Variants in MTF2 observed in about 807,000 individuals in gnomAD.
The protein encoded by MTF2 is metal-response element-binding transcription factor 2.
In MTF2, 11 loss-of-function variants were observed where a neutral mutation model predicts 79.5. That is an observed-to-expected ratio of 0.14 (90% confidence interval 0.09 to 0.23). The LOEUF is 0.23. Among genes scored for constraint, MTF2 ranks in the 10% least tolerant of loss-of-function variants. The pLI, the probability that MTF2 is intolerant of heterozygous loss-of-function variation, is 1.00. For synonymous variants in MTF2, 208 were observed against 232.8 expected (o/e 0.89, Z 0.97); for missense variants, 486 against 711.2 (o/e 0.68, Z 3.60).
rs1024247449 is a variant in MTF2 at position 93,091,719 on chromosome 1, T to A, written c.5+12188T>A. On this transcript the variant is annotated intron_variant, in intron 1 of 14. Transcript: ENST00000370298. ...GATATGCCCTCAAAATACAGAGTGG[T>A]CTTTTAAGTTAACTAACTTAATTAA... Among the ~76,000 whole-genome samples the A allele has an allele frequency of 2.0e-5, 3 of 152,240 alleles. 1 individual carries two copies. Among genetic ancestry groups the A allele is most frequent in the Non-Finnish European group, 4.4e-5 (3 of 68,034 alleles).
At chr1:93,095,529 C>T (rs1396638957) in intron 1 of MTF2, among the ~76,000 whole-genome samples, 4 of 151,810 alleles carry the variant, frequency 2.6e-5, no homozygotes, top group Admixed American at 6.6e-5. Context: ...TTAGTAGAGA[C>T]GGGATTTCAC....
rs1261632833 is a variant in MTF2 at position 93,114,980 on chromosome 1, A to T, written c.383-8A>T. 2.6e-6 allele frequency: 4 copies of T among 1,563,630 alleles called. No individual in the cohort carries two copies. The highest frequency in any genetic ancestry group is 3.5e-6 in the Non-Finnish European group (4 of 1,142,912). On this transcript the variant is annotated splice_region_variant and splice_polypyrimidine_tract_variant and intron_variant, in intron 4 of 14. Transcript: ENST00000370298. ...CCGAATTTGCTTTATGCTTTTTTTG[A>T]TATTAAGGATATCATCAGTTGTGTC...
At chr1:93,104,677 C>CAAAAAA (rs35746040) in intron 1 of MTF2, among the ~76,000 whole-genome samples, 1 of 96,396 alleles carries the variant, frequency 1.0e-5, no homozygotes. Flanking sequence ...GACTCCATCT[C>CAAAAAA]AAAAAAAAAA....
chr1:93,094,720 G>C (rs1286155924), intron 1 of MTF2, among the ~76,000 whole-genome samples: 1 of 152,068 alleles, frequency 6.6e-6, no homozygotes, highest in Non-Finnish European at 1.5e-5. Context: ...TGTGCTGTGG[G>C]TTCTCCCATC....
chr1:93,132,894 A>G (rs556275117), intron 11 of MTF2, among the ~76,000 whole-genome samples: 9 of 152,278 alleles, frequency 5.9e-5, no homozygotes, highest in African/African-American at 2.2e-4. Flanking sequence ...TCTTTAGCAC[A>G]GGGAACACCT....
chr1:93,132,683 C>T (rs1218516618), intron 11 of MTF2, among the ~76,000 whole-genome samples: 1 of 152,144 alleles, frequency 6.6e-6, no homozygotes, highest in Non-Finnish European at 1.5e-5. Flanking sequence ...ATACTTCCAC[C>T]TTTATTCCCT....
intron 9 of MTF2, chr1:93,121,610 T>C (rs574065170): frequency 2.8e-4 from 272 of 976,100 alleles, no homozygotes; most frequent in Non-Finnish European, 3.2e-4. Flanking sequence ...ACATAATGCA[T>C]GATTTAGTTT....
At chr1:93,092,172 A>T (rs1164885126) in intron 1 of MTF2, among the ~76,000 whole-genome samples, 1 of 151,976 alleles carries the variant, frequency 6.6e-6, no homozygotes, top group Non-Finnish European at 1.5e-5. Flanking sequence ...TTATTATTTC[A>T]TGGATGTAAT....
At chr1:93,135,403 T>C (rs1393699474) in intron 14 of MTF2, among the ~76,000 whole-genome samples, 1 of 152,270 alleles carries the variant, frequency 6.6e-6, no homozygotes, top group Non-Finnish European at 1.5e-5. Context: ...ACTGCTGTTA[T>C]AAATTATGCA....
At chr1:93,117,206 G>A (rs1347818594) in intron 6 of MTF2, among the ~76,000 whole-genome samples, 2 of 152,112 alleles carry the variant, frequency 1.3e-5, no homozygotes, top group Non-Finnish European at 2.9e-5. Flanking sequence ...TTTGGAAATG[G>A]TGCCTTTTAT....
At chr1:93,130,256 G>A (rs892213184) in intron 11 of MTF2, among the ~76,000 whole-genome samples, 3 of 152,062 alleles carry the variant, frequency 2.0e-5, no homozygotes, top group Non-Finnish European at 4.4e-5. Context: ...AGAATAATGG[G>A]GAGGCATGTA....
chr1:93,101,567 G>GTTTTTTTTTT (rs1655535361), intron 1 of MTF2, among the ~76,000 whole-genome samples: 1 of 10,434 alleles, frequency 9.6e-5, no homozygotes, highest in African/African-American at 2.4e-4. Flanking sequence ...TGCTCAGGCT[G>GTTTTTTTTTT]GTTTTTTTTT....
At chr1:93,120,942 T>TA (rs1656451213) in intron 9 of MTF2, 1 of 1,130,652 alleles carries the variant, frequency 8.8e-7, no homozygotes, top group African/African-American at 1.7e-5. Context: ...TCATTGTAGT[T>TA]AAAGATAGAA....
chr1:93,134,347 AGTT>A (rs1191980748), intron 14 of MTF2, 152 bp downstream of exon 14: 1 of 587,190 alleles, frequency 1.7e-6, no homozygotes, highest in Non-Finnish European at 3.0e-6. Context: ...AGATCCCAAT[AGTT>A]GTTAATATTC....
Position 93,119,350 on chromosome 1 carries a change from G to A in MTF2, c.746G>A (p.Cys249Tyr). 1 of 1,538,616 alleles carries A rather than the reference G, an allele frequency of 6.5e-7. No individual in the cohort carries two copies. Among genetic ancestry groups the A allele is most frequent in the Non-Finnish European group, 8.8e-7 (1 of 1,139,550 alleles). ...LFGDRFYTFI[C>Y]SVCSSGPEYL... ...TTTCTTAGATTTTATACGTTTATAT[G>A]CTCTGTCTGCAGTTCTGGACCAGAA... is the stretch of plus-strand genomic sequence containing the variant. Residue 249 changes from cysteine to tyrosine, a missense_variant, in exon 8 of 15, where the codon TGC becomes TAC. Cys to Tyr is a radical substitution (Grantham distance 194, BLOSUM62 -2). This residue lies in a region of MTF2 where 177 missense variants were observed against 364.0 expected (regional missense o/e 0.49). Transcript: ENST00000370298.
Position 93,133,737 on chromosome 1 carries a change from A to T in MTF2, c.1195A>T (p.Lys399Ter). The change falls in exon 12 of 15, where the codon AAA becomes TAA. Residue 399 changes from lysine (K) to a stop codon, truncating the protein, a stop_gained. Transcript: ENST00000370298. LOFTEE classifies it high-confidence loss of function. ...CAATGGCATAGAAAAAAAAGGAAAG[A>T]AAAAATCTGTAGGTCGTCCACCTGG... ...VSNGIEKKGK[K>*]KSVGRPPGPY... The T allele has an allele frequency of 6.2e-7, 1 of 1,612,114 alleles. No individual in the cohort carries two copies. The highest frequency in any genetic ancestry group is 8.5e-7 in the Non-Finnish European group (1 of 1,179,386).
intron 14 of MTF2, among the ~76,000 whole-genome samples, chr1:93,135,439 G>A (rs1364372947): frequency 6.6e-6 from 1 of 151,358 alleles, no homozygotes; most frequent in East Asian, 1.9e-4. Flanking sequence ...TGCTTAAAGT[G>A]TAACCCATTT....
rs74464389 is a variant in MTF2, at chr1:93,119,313, C to CTTTT, written c.729-9_729-6dup. Reference sequence around the variant, plus strand: ...CTGATGACTCAGTATAAAACTTTTTCTTTTTTTTTTTTTTCTTAGATTTTA... The same window carrying CTTTT: ...CTGATGACTCAGTATAAAACTTTTTCTTTTTTTTTTTTTTTTTTCTTAGATTTTA... On this transcript the variant is annotated intron_variant, in intron 7 of 14. Transcript: ENST00000370298. The CTTTT allele has an allele frequency of 6.9e-6, 9 of 1,295,310 alleles. No homozygotes were observed. The highest frequency in any genetic ancestry group is 3.2e-5 in the African/African-American group (2 of 62,728). 80.2% of individuals were successfully genotyped at this position (1,295,310 alleles called of 1,614,324 possible). A position where few individuals can be genotyped will look rare whatever the true frequency, so the allele number is the denominator to read the frequency against.
In MTF2 at chr1:93,138,549, CATT is replaced by C. The variant is rs1361335254; in HGVS notation, c.*1525_*1527del. 6.6e-6 allele frequency: 1 copy of C among 152,208 alleles called. No individual in the cohort carries two copies. Among genetic ancestry groups the C allele is most frequent in the Non-Finnish European group, 1.5e-5 (1 of 68,026 alleles). The allele number at this position is 152,208 out of a possible 1,614,324, so 9.4% of individuals were successfully genotyped here. On this transcript the variant is annotated 3_prime_UTR_variant, in exon 15 of 15. Coordinates refer to ENST00000370298, the MANE Select transcript of MTF2 (RefSeq NM_007358.4). ...TTCAAAAGATGATCCTTTCTTGTCACATTATAGCCAAAAGAAGCAGAGAACTTC... is the reference window on the plus strand; with the variant it reads ...TTCAAAAGATGATCCTTTCTTGTCACATAGCCAAAAGAAGCAGAGAACTTC...
Sources: gnomAD v4.1 joint callset for allele counts (sites outside exome capture counted in the v4.1 genomes callset) on GRCh38, gnomAD v4.1.1 for gene constraint, gnomAD v4.1.1 regional missense constraint, MANE v1.5 for transcripts, NCBI Gene and HGNC (gene_info 2026-07-23, HGNC 2026-07-21) for gene names.